The following DDX19B variants were observed in gnomAD, a reference collection of about 807,000 sequenced individuals.
The protein encoded by DDX19B is ATP-dependent RNA helicase DDX19B.
In DDX19B, 27 loss-of-function variants were observed where a neutral mutation model predicts 58.1. That is an observed-to-expected ratio of 0.46 (90% confidence interval 0.34 to 0.64). The LOEUF (loss-of-function observed/expected upper bound fraction) is 0.64, where lower values mean the gene tolerates loss of function less well. Ranked by LOEUF, DDX19B falls within the 30% of genes least tolerant of loss-of-function variation. The pLI, the probability that DDX19B is intolerant of heterozygous loss-of-function variation, is 0.01. For missense variants in DDX19B, 399 were observed against 596.5 expected (o/e 0.67, Z 3.45); for synonymous variants, 187 against 214.4 (o/e 0.87, Z 1.12).
At chr16:70,315,896 C>A in intron 3 of DDX19B, 73 bp from the exon 4 acceptor site, 3 of 1,531,110 alleles carry the variant, frequency 2.0e-6, no homozygotes, top group Admixed American at 2.0e-5. Flanking sequence ...ATACAAATGG[C>A]AGTTGAATTA....
At chr16:70,292,006 C>T (rs1284060867), upstream of DDX19B, among the ~76,000 whole-genome samples, 2 of 151,978 alleles carry the variant, frequency 1.3e-5, no homozygotes, top group Non-Finnish European at 2.9e-5. Context: ...TTTTAATTAG[C>T]TAGGCGTGGT....
At chr16:70,301,697 T>TC (rs1248130461) in intron 1 of DDX19B, among the ~76,000 whole-genome samples, 19 of 133,776 alleles carry the variant, frequency 1.4e-4, no homozygotes, top group South Asian at 4.6e-4. Context: ...TCTCTCTCTC[T>TC]TTTTTTTTTT....
Position 70,302,039 on chromosome 16 carries a change from G to T in DDX19B, c.57+2685G>T, listed in dbSNP as rs759660152. ...GAGTTCAAGCGATTCTCCTGCCTCAGCCTCCCGAGTAGCTGGGATTACAGG... is the reference window on the plus strand; with the variant it reads ...GAGTTCAAGCGATTCTCCTGCCTCATCCTCCCGAGTAGCTGGGATTACAGG... On this transcript the variant is annotated intron_variant, in intron 1 of 11. Coordinates refer to ENST00000288071, the MANE Select transcript of DDX19B (RefSeq NM_007242.7). Among the ~76,000 whole-genome samples the T allele has an allele frequency of 5.9e-5, 9 of 151,858 alleles. No individual in the cohort carries two copies. The Middle Eastern group carries it at 0.01, about 172-fold the overall frequency.
intron 1 of DDX19B, among the ~76,000 whole-genome samples, chr16:70,309,972 C>T (rs950133540): frequency 2.0e-5 from 3 of 152,074 alleles, no homozygotes; most frequent in East Asian, 3.9e-4. Flanking sequence ...CGGCCTAATG[C>T]GTAGTTCACA....
chr16:70,311,412 A>G (rs1038711731), intron 1 of DDX19B, among the ~76,000 whole-genome samples: 2 of 152,046 alleles, frequency 1.3e-5, no homozygotes, highest in African/African-American at 4.8e-5. Context: ...TTACGACTAG[A>G]GCACTTACTT....
chr16:70,299,131 G>A, upstream of DDX19B: 1 of 1,358,594 alleles, frequency 7.4e-7, no homozygotes, highest in South Asian at 1.8e-5. Flanking sequence ...AGTGGGCAAA[G>A]GGTGGCCAAA....
chr16:70,307,336 A>G (rs1961808625), intron 1 of DDX19B, among the ~76,000 whole-genome samples: 1 of 152,170 alleles, frequency 6.6e-6, no homozygotes, highest in Non-Finnish European at 1.5e-5. Flanking sequence ...TAAGATTAAT[A>G]TTGTCTATGA....
In DDX19B at chr16:70,334,005, G is replaced by T; in HGVS notation, c.*423G>T. 1 of 240,940 alleles carries T rather than the reference G, an allele frequency of 4.2e-6. No individual in the cohort carries two copies. Among genetic ancestry groups the T allele is most frequent in the South Asian group, 5.4e-5 (1 of 18,462 alleles). The allele number at this position is 240,940 out of a possible 1,614,324, so 14.9% of individuals were successfully genotyped here. A position where few individuals can be genotyped will look rare whatever the true frequency, so the allele number is the denominator to read the frequency against. On this transcript the variant is annotated 3_prime_UTR_variant, in exon 12 of 12. Coordinates refer to ENST00000288071, the MANE Select transcript of DDX19B (RefSeq NM_007242.7). ...GTGGTGGAAAGGGAACACAGAGAGGGAGGCTTCCAGTAAGATAGGTGTGTA... is the reference window on the plus strand; with the variant it reads ...GTGGTGGAAAGGGAACACAGAGAGGTAGGCTTCCAGTAAGATAGGTGTGTA...
upstream of DDX19B, among the ~76,000 whole-genome samples, chr16:70,297,213 CTATT>C (rs1473917160): frequency 6.7e-6 from 1 of 150,068 alleles, no homozygotes; most frequent in African/African-American, 2.5e-5. Flanking sequence ...CGTGCCCAGT[CTATT>C]TATTTATTTT....
chr16:70,317,045 A>G (rs1962461043), intron 4 of DDX19B, among the ~76,000 whole-genome samples: 1 of 151,922 alleles, frequency 6.6e-6, no homozygotes. Context: ...TCTCTACTAA[A>G]AATACAAAAA....
upstream of DDX19B, among the ~76,000 whole-genome samples, chr16:70,291,874 A>C (rs932307278): frequency 6.6e-6 from 1 of 151,818 alleles, no homozygotes; most frequent in African/African-American, 2.4e-5. Flanking sequence ...GTAGGCCAGC[A>C]CAGAGACTCA....
intron 1 of DDX19B, among the ~76,000 whole-genome samples, chr16:70,311,440 A>C (rs774864131): frequency 6.6e-6 from 1 of 152,126 alleles, no homozygotes; most frequent in African/African-American, 2.4e-5. Flanking sequence ...TACTACATCC[A>C]AAGGCCAAAA....
intron 1 of DDX19B, among the ~76,000 whole-genome samples, chr16:70,310,982 G>T (rs927935788): frequency 6.7e-6 from 1 of 150,218 alleles, no homozygotes; most frequent in African/African-American, 2.5e-5. Context: ...AGTGAGCTGA[G>T]ATCAGGCCAC....
chr16:70,296,517 A>G (rs1961229924), upstream of DDX19B, among the ~76,000 whole-genome samples: 1 of 151,986 alleles, frequency 6.6e-6, no homozygotes, highest in South Asian at 2.1e-4. Flanking sequence ...TTTGTTTTGT[A>G]CAAGTGAACC....
upstream of DDX19B, among the ~76,000 whole-genome samples, chr16:70,295,275 T>A (rs886377534): frequency 3.9e-5 from 6 of 152,036 alleles, no homozygotes; most frequent in Non-Finnish European, 7.4e-5. Flanking sequence ...GAAACCCCGA[T>A]GCTATTTTTA....
chr16:70,300,209 CCTT>C (rs1380358608), intron 1 of DDX19B, among the ~76,000 whole-genome samples: 2 of 146,162 alleles, frequency 1.4e-5, no homozygotes, highest in East Asian at 2.0e-4. Context: ...AGAGGCAACT[CCTT>C]TTTTTTTTTT....
Position 70,327,036 on chromosome 16 carries a change from G to A in DDX19B, c.607+1348G>A, listed in dbSNP as rs576847593. ...TTTTTAGTAGAGACGGGGTTTCACTGTGTTAGCCAGGATGGTCTCTATCTG... is the reference window on the plus strand; with the variant it reads ...TTTTTAGTAGAGACGGGGTTTCACTATGTTAGCCAGGATGGTCTCTATCTG... On this transcript the variant is annotated intron_variant, in intron 7 of 11. Coordinates refer to ENST00000288071, the MANE Select transcript of DDX19B (RefSeq NM_007242.7). 1.1e-3 allele frequency among the ~76,000 whole-genome samples: 165 copies of A among 151,298 alleles called. No individual in the cohort carries two copies. In the Middle Eastern group the frequency reaches 0.014, roughly 13 times the overall value.
upstream of DDX19B, among the ~76,000 whole-genome samples, chr16:70,292,447 C>G (rs1961084869): frequency 6.6e-6 from 1 of 152,042 alleles, no homozygotes; most frequent in Non-Finnish European, 1.5e-5. Context: ...GCGTCCGGCC[C>G]CCTTGTCTCT....
At chr16:70,293,833 G>A (rs1485334703), upstream of DDX19B, among the ~76,000 whole-genome samples, 1 of 149,456 alleles carries the variant, frequency 6.7e-6, no homozygotes, top group Non-Finnish European at 1.5e-5. Flanking sequence ...GGATGGTCTC[G>A]ATCTCCTGAC....
Sources: allele counts gnomAD v4.1 joint callset (sites outside exome capture counted in the v4.1 genomes callset), GRCh38; gene constraint gnomAD v4.1.1; transcripts MANE v1.5; gene names NCBI Gene and HGNC (gene_info 2026-07-23, HGNC 2026-07-21).